The following CABP2 variants were observed in gnomAD, a reference collection of about 807,000 sequenced individuals.
The protein encoded by CABP2 is calcium binding protein 2, also known as calcium-binding protein 2.
A neutral mutation model predicts 28.6 loss-of-function variants in CABP2; 25 were observed. That is an observed-to-expected ratio of 0.87 (90% CI 0.64 to 1.22). The LOEUF (loss-of-function observed/expected upper bound fraction) is 1.22, where lower values mean the gene tolerates loss of function less well. CABP2 is among the 50% of genes most tolerant of loss of function. The pLI, the probability that CABP2 is intolerant of heterozygous loss-of-function variation, is 0.00. For missense variants in CABP2, 310 were observed against 312.2 expected (o/e 0.99, Z 0.05); for synonymous variants, 138 against 126.0 (o/e 1.09, Z -0.64).
At chr11:67,522,164 G>A (rs1443645136) in intron 2 of CABP2, among the ~76,000 whole-genome samples, 182 bp from the exon 3 acceptor site, 3 of 152,092 alleles carry the variant, frequency 2.0e-5, no homozygotes, top group Non-Finnish European at 4.4e-5. Flanking sequence ...GTAACCGGGT[G>A]CCCCCTTCCC....
chr11:67,522,658 C>A lies in CABP2; in HGVS notation c.101G>T (p.Ser34Ile). 1 of 1,540,428 alleles carries A rather than the reference C, an allele frequency of 6.5e-7. No individual in the cohort carries two copies. The highest frequency in any genetic ancestry group is 8.8e-7 in the Non-Finnish European group (1 of 1,140,868). ...PRGSCPSPSSSPKEQGDPAPG... is the reference protein window; with the variant it reads ...PRGSCPSPSSIPKEQGDPAPG... ...CGCGGGGTCCCCCTGCTCCTTGGGG[C>A]TGGAGCTGGGGCTGGGGCAGGAGCC... The change falls in exon 2 of 7, where the codon AGC becomes ATC. Residue 34 changes from serine to isoleucine, a missense_variant. Physicochemically the swap from Ser to Ile is moderately radical, Grantham distance 142 (BLOSUM62 -2). Coordinates refer to ENST00000294288, the MANE Select transcript of CABP2 (RefSeq NM_016366.3).
chr11:67,521,882 C>CCCCCCT, intron 3 of CABP2, 70 bp downstream of exon 3: 1 of 800,702 alleles, frequency 1.2e-6, no homozygotes, highest in South Asian at 1.6e-5. Context: ...CCCCCCAACC[C>CCCCCCT]TGTGTCCCCA....
rs377289862 is a variant in CABP2 at position 67,523,358 on chromosome 11, G to A, written c.-32C>T. 1.5e-5 allele frequency: 23 copies of A among 1,538,448 alleles called. No homozygotes were observed. Among genetic ancestry groups the A allele is most frequent in the African/African-American group, 2.8e-5 (2 of 72,510 alleles). Reference sequence around the variant, plus strand: ...TGAACCATGCCAGGCCTGGAACCCCGGGGGTGGCCCGGGTGGGCCTCGGCG... The same window carrying A: ...TGAACCATGCCAGGCCTGGAACCCCAGGGGTGGCCCGGGTGGGCCTCGGCG... On this transcript the variant is annotated 5_prime_UTR_variant, in exon 1 of 7. Transcript: ENST00000294288.
At chr11:67,523,256 G>C in intron 1 of CABP2, 29 bp downstream of exon 1, 1 of 1,518,328 alleles carries the variant, frequency 6.6e-7, no homozygotes, top group Non-Finnish European at 9.0e-7. Flanking sequence ...CAGCCTCCTG[G>C]CCTGGGTTTC....
In CABP2 at chr11:67,522,107, C is replaced by G. The variant is rs1866756257; in HGVS notation, c.214-125G>C. On this transcript the variant is annotated intron_variant, in intron 2 of 6. Coordinates refer to ENST00000294288, the MANE Select transcript of CABP2 (RefSeq NM_016366.3). ...ACGCACACGCAGGGCCTGTGTCTGT[C>G]TGATTGCTCGGCCCTGGTTCCCACC... 1.5e-5 allele frequency: 13 copies of G among 862,776 alleles called. No individual in the cohort carries two copies. The South Asian group carries it at 1.9e-4, about 13-fold the overall frequency. The allele number at this position is 862,776 out of a possible 1,614,324, so 53.4% of individuals were successfully genotyped here. A position where few individuals can be genotyped will look rare whatever the true frequency, so the allele number is the denominator to read the frequency against.
chr11:67,520,849 AC>A (rs567371605), intron 4 of CABP2, among the ~76,000 whole-genome samples, 175 bp downstream of exon 4: 39 of 152,242 alleles, frequency 2.6e-4, no homozygotes, highest in Non-Finnish European at 4.6e-4. Context: ...TGCTGTGCCC[AC>A]CTCCTAGAAG....
Position 67,521,196 on chromosome 11 carries a change from C to G in CABP2, c.245-37G>C, listed in dbSNP as rs1866743602. On this transcript the variant is annotated intron_variant, in intron 3 of 6. Coordinates refer to ENST00000294288, the MANE Select transcript of CABP2 (RefSeq NM_016366.3). ...GGTGGGGTCAGTCCTTCCCCCACAA[C>G]CCCCTGATCCTGGCCTGGACCCGCC... 3 of 1,598,376 alleles carry G rather than the reference C, an allele frequency of 1.9e-6. No individual in the cohort carries two copies. The East Asian group carries it at 6.7e-5, about 36-fold the overall frequency.
In CABP2 at chr11:67,518,999, G is replaced by A. The variant is rs1012544003; in HGVS notation, c.*140C>T. Reference sequence around the variant, plus strand: ...TGGAGAAGTGGTGGTGGGGGTGAAGGCAGGCAAGGGCACTGCACACAGGTG... The same window carrying A: ...TGGAGAAGTGGTGGTGGGGGTGAAGACAGGCAAGGGCACTGCACACAGGTG... On this transcript the variant is annotated 3_prime_UTR_variant, in exon 7 of 7. Coordinates refer to ENST00000294288, the MANE Select transcript of CABP2 (RefSeq NM_016366.3). 3.8e-6 allele frequency: 3 copies of A among 798,918 alleles called. No individual in the cohort carries two copies. Among genetic ancestry groups the A allele is most frequent in the Non-Finnish European group, 6.3e-6 (3 of 476,702 alleles). The allele number at this position is 798,918 out of a possible 1,614,324, so 49.5% of individuals were successfully genotyped here.
Position 67,522,472 on chromosome 11 carries a change from G to T in CABP2, c.213+74C>A, listed in dbSNP as rs898495146. On this transcript the variant is annotated intron_variant, in intron 2 of 6. Coordinates refer to ENST00000294288, the MANE Select transcript of CABP2 (RefSeq NM_016366.3). ...GGCAAGGGTAGGTGGGCTGGAGTGC[G>T]AGGGGCAAGGGCAGGTGAGCTGGTG... 6.7e-6 allele frequency: 10 copies of T among 1,490,972 alleles called. No individual in the cohort carries two copies. In the African/African-American group the frequency reaches 1.4e-4, roughly 21 times the overall value. The allele number at this position is 1,490,972 out of a possible 1,614,324, so 92.4% of individuals were successfully genotyped here.
intron 3 of CABP2, 75 bp from the exon 4 acceptor site, chr11:67,521,234 T>G: frequency 6.8e-7 from 1 of 1,476,454 alleles, no homozygotes. Flanking sequence ...CCCTTCTCCC[T>G]TGGTCCAATC....
rs1193624071 is a variant in CABP2, at chr11:67,519,820, T to C, written c.610A>G (p.Asn204Asp). The C allele has an allele frequency of 6.2e-7, 1 of 1,613,884 alleles. No homozygotes were observed. The highest frequency in any genetic ancestry group is 1.7e-5 in the Admixed American group (1 of 60,002). The change falls in exon 6 of 7, where the codon AAT (asparagine) becomes GAT (aspartate). Residue 204 changes from asparagine to aspartate, a missense_variant. By Grantham distance (23) the Asn-to-Asp change is conservative. Coordinates refer to ENST00000294288, the MANE Select transcript of CABP2 (RefSeq NM_016366.3). ...TCGAAGTCGACCAGACCGTCCCCAT[T>C]GAGGTCCACGTCCTGGAGGATCTCG... ...VDEILQDVDL[N>D]GDGLVDFEEF... is the part of the protein sequence containing the mutation.
intron 5 of CABP2, 46 bp from the exon 6 acceptor site, chr11:67,519,986 C>T (rs753936268): frequency 1.3e-6 from 2 of 1,597,144 alleles, no homozygotes; most frequent in South Asian, 1.1e-5. Flanking sequence ...CAGTCATTCA[C>T]ACGCGCAGCC....
intron 3 of CABP2, 25 bp downstream of exon 3, chr11:67,521,927 A>G: frequency 7.1e-7 from 1 of 1,407,466 alleles, no homozygotes; most frequent in Non-Finnish European, 9.5e-7. Flanking sequence ...CCTTCAGGGA[A>G]CCAGTTCCTT....
Position 67,520,091 on chromosome 11 carries a change from T to C in CABP2, c.449A>G (p.Asp150Gly), listed in dbSNP as rs746312982. 9 of 1,613,836 alleles carry C rather than the reference T, an allele frequency of 5.6e-6. No homozygotes were observed. Among genetic ancestry groups the C allele is most frequent in the Non-Finnish European group, 7.6e-6 (9 of 1,179,980 alleles). The change falls in exon 5 of 7, where the codon GAC becomes GGC. Residue 150 changes from aspartate (D) to glycine (G), a missense_variant. By Grantham distance (94) the Asp-to-Gly change is moderately conservative. Coordinates refer to ENST00000294288, the MANE Select transcript of CABP2 (RefSeq NM_016366.3). ...MGPKLLAETA[D>G]MIGVRELRDA... ...CCGTAGCTCCCGGACACCGATCATG[T>C]CTGCCGTCTCTGCCAGCAGCTTGGG...
Position 67,520,962 on chromosome 11 carries a change from G to A in CABP2, c.379+63C>T. The A allele has an allele frequency of 1.9e-6, 3 of 1,569,394 alleles. No individual in the cohort carries two copies. In the South Asian group the frequency reaches 3.5e-5, roughly 18 times the overall value. On this transcript the variant is annotated intron_variant, in intron 4 of 6. Transcript: ENST00000294288. ...GTCACCTGTGTACCTGGACTGCTTG[G>A]CTTCATGGGCCCAGCGGGGGCATCT...
chr11:67,520,020 C>T (rs1261516385), intron 5 of CABP2, 31 bp downstream of exon 5: 1 of 1,604,756 alleles, frequency 6.2e-7, no homozygotes, highest in East Asian at 2.2e-5. Context: ...AGACACGCAG[C>T]CCTGCCCGCC....
rs1296091146 is a variant in CABP2, at chr11:67,521,134, A to T, written c.270T>A (p.Phe90Leu). Reference protein sequence around the residue: ...IEELQVAFQEFDRDRDGYIGC... With the variant: ...IEELQVAFQELDRDRDGYIGC... ...CAATGTAGCCGTCCCGGTCTCGGTC[A>T]AACTCCTGGAAGGCGACCTGCAGCT... Residue 90 changes from phenylalanine (F) to leucine (L), a missense_variant, in exon 4 of 7, where the codon TTT becomes TTA. Transcript: ENST00000294288. 3 of 1,613,112 alleles carry T rather than the reference A, an allele frequency of 1.9e-6. No individual in the cohort carries two copies. Among genetic ancestry groups the T allele is most frequent in the Admixed American group, 1.7e-5 (1 of 60,018 alleles).
intron 1 of CABP2, 130 bp downstream of exon 1, chr11:67,523,155 A>G (rs902829916): frequency 9.9e-6 from 7 of 710,510 alleles, no homozygotes; most frequent in Admixed American, 9.0e-5. Context: ...CTTCCAGGAA[A>G]AAAATCTCCA....
chr11:67,521,899 G>A (rs1866752422), intron 3 of CABP2, 53 bp downstream of exon 3: 3 of 305,022 alleles, frequency 9.8e-6, no homozygotes, highest in African/African-American at 1.3e-4. Context: ...CCCACCCCAT[G>A]CCCCCCATGC....
Sources: allele counts gnomAD v4.1 joint callset (sites outside exome capture counted in the v4.1 genomes callset), GRCh38; gene constraint gnomAD v4.1.1; transcripts MANE v1.5; gene names NCBI Gene and HGNC (gene_info 2026-07-23, HGNC 2026-07-21).